The following WWOX variants were observed in gnomAD, a reference collection of about 807,000 sequenced individuals.
WWOX encodes the protein WW domain-containing oxidoreductase.
A neutral mutation model predicts 46.2 loss-of-function variants in WWOX; 69 were observed. The observed-to-expected ratio is 1.49, with a 90% CI of 1.23 to 1.82. The LOEUF is 1.82. WWOX is among the 40% of genes most tolerant of loss of function. The pLI is 0.00. For synonymous variants in WWOX, 359 were observed against 202.6 expected (o/e 1.77, Z -6.56); for missense variants, 919 against 542.6 (o/e 1.69, Z -6.89).
At chr16:79,081,565 T>C (rs1334216756) in intron 8 of WWOX, among the ~76,000 whole-genome samples, 1 of 152,212 alleles carries the variant, frequency 6.6e-6, no homozygotes, top group Non-Finnish European at 1.5e-5. Context: ...ATCTGCTCTT[T>C]GTGGGGCCCT....
chr16:78,527,188 A>G (rs752480577), intron 8 of WWOX, among the ~76,000 whole-genome samples: 2 of 152,142 alleles, frequency 1.3e-5, no homozygotes, highest in East Asian at 1.9e-4. Context: ...GTAGGAATGA[A>G]CAGATGAACA....
At chr16:78,768,542 A>G (rs987879079) in intron 8 of WWOX, among the ~76,000 whole-genome samples, 5 of 151,492 alleles carry the variant, frequency 3.3e-5, no homozygotes, top group African/African-American at 1.2e-4. Context: ...GTGAGCGGAG[A>G]CTGCGCCGCT....
At chr16:78,135,686 A>T (rs189979907) in intron 4 of WWOX, among the ~76,000 whole-genome samples, 1 of 152,158 alleles carries the variant, frequency 6.6e-6, no homozygotes. Flanking sequence ...GTATTACTGA[A>T]AAAAAAACAA....
intron 4 of WWOX, among the ~76,000 whole-genome samples, chr16:78,120,570 C>A (rs530673751): frequency 6.8e-6 from 1 of 147,448 alleles, no homozygotes; most frequent in Non-Finnish European, 1.5e-5. Flanking sequence ...GAGCGAGACT[C>A]CGTCTCAAAA....
At chr16:78,612,066 T>C (rs1024360684) in intron 8 of WWOX, among the ~76,000 whole-genome samples, 1 of 152,204 alleles carries the variant, frequency 6.6e-6, no homozygotes, top group African/African-American at 2.4e-5. Context: ...ACCTGGCATA[T>C]CCTTTAGGAT....
At chr16:78,464,661 G>C (rs1172512119) in intron 8 of WWOX, among the ~76,000 whole-genome samples, 3 of 152,116 alleles carry the variant, frequency 2.0e-5, no homozygotes, top group African/African-American at 7.2e-5. Context: ...TAAATCCAGA[G>C]CTGCTGCCTC....
At chr16:78,724,850 C>A (rs1324735315) in intron 8 of WWOX, among the ~76,000 whole-genome samples, 1 of 152,210 alleles carries the variant, frequency 6.6e-6, no homozygotes, top group African/African-American at 2.4e-5. Context: ...ATTCTTACCT[C>A]TAAGAGTTCC....
chr16:78,757,091 T>A (rs2049669722), intron 8 of WWOX: 2 of 693,708 alleles, frequency 2.9e-6, no homozygotes, highest in Admixed American at 2.0e-5. Flanking sequence ...TGCTGCAATC[T>A]TGACTGGAAC....
chr16:78,646,324 A>T (rs576165953), intron 8 of WWOX, among the ~76,000 whole-genome samples: 1 of 152,244 alleles, frequency 6.6e-6, no homozygotes, highest in Non-Finnish European at 1.5e-5. Context: ...TTTTGGCACC[A>T]TTATTCTGCC....
intron 6 of WWOX, among the ~76,000 whole-genome samples, chr16:78,411,712 G>A (rs942507500): frequency 6.6e-6 from 1 of 152,148 alleles, no homozygotes; most frequent in African/African-American, 2.4e-5. Context: ...AAGTCAAGTG[G>A]GAGAATGTAG....
chr16:78,678,857 C>T (rs144149859), intron 8 of WWOX, among the ~76,000 whole-genome samples: 1 of 152,240 alleles, frequency 6.6e-6, no homozygotes, highest in African/African-American at 2.4e-5. Flanking sequence ...CCTGTGCTTC[C>T]CAGTTTACTC....
At chr16:79,017,701 T>G (rs374471028) in intron 8 of WWOX, among the ~76,000 whole-genome samples, 1 of 152,130 alleles carries the variant, frequency 6.6e-6, no homozygotes, top group East Asian at 1.9e-4. Context: ...AATTATATTT[T>G]TTTGATTTTT....
At chr16:78,108,257 C>T (rs1445811798) in intron 1 of WWOX, among the ~76,000 whole-genome samples, 166 bp from the exon 2 acceptor site, 1 of 151,038 alleles carries the variant, frequency 6.6e-6, no homozygotes, top group Admixed American at 6.7e-5. Flanking sequence ...TTCAGCAAAC[C>T]TCCTAAAGTT....
chr16:79,044,776 G>C (rs1305462230), intron 8 of WWOX, among the ~76,000 whole-genome samples: 2 of 152,212 alleles, frequency 1.3e-5, no homozygotes, highest in East Asian at 3.9e-4. Flanking sequence ...GGCAGTGTCA[G>C]AGAATGCTGA....
intron 8 of WWOX, among the ~76,000 whole-genome samples, chr16:78,866,426 A>G (rs1002507178): frequency 2.8e-5 from 4 of 141,384 alleles, no homozygotes; most frequent in African/African-American, 1.1e-4. Context: ...ACTGATCAAG[A>G]CATCCCGTGC....
At chr16:78,536,247 G>T (rs1322160694) in intron 8 of WWOX, among the ~76,000 whole-genome samples, 2 of 152,104 alleles carry the variant, frequency 1.3e-5, no homozygotes, top group Non-Finnish European at 2.9e-5. Context: ...GAAGTTTTTA[G>T]TGTAAATGTC....
intron 8 of WWOX, among the ~76,000 whole-genome samples, chr16:78,908,447 G>A (rs2045023194): frequency 6.6e-6 from 1 of 151,802 alleles, no homozygotes; most frequent in African/African-American, 2.4e-5. Context: ...GGCAGAGGCA[G>A]GAGAACTGCT....
intron 8 of WWOX, among the ~76,000 whole-genome samples, chr16:78,868,908 C>T (rs535666052): frequency 6.6e-6 from 1 of 152,162 alleles, no homozygotes; most frequent in South Asian, 2.1e-4. Flanking sequence ...GCACTTTTCC[C>T]CCCTTTTTCC....
In WWOX at chr16:78,678,598, G is replaced by T. The variant is rs185318896; in HGVS notation, c.1056+245846G>T. Among the ~76,000 whole-genome samples, 51 of 152,240 alleles carry T rather than the reference G, an allele frequency of 3.3e-4. No individual in the cohort carries two copies. The Middle Eastern group carries it at 0.01, about 30-fold the overall frequency. ...GATAATTGTATAAAGAACTACAATAGGCATAGGTACAGATCTGTAAAATAT... is the reference window on the plus strand; with the variant it reads ...GATAATTGTATAAAGAACTACAATATGCATAGGTACAGATCTGTAAAATAT... On this transcript the variant is annotated intron_variant, in intron 8 of 8. Coordinates refer to ENST00000566780, the MANE Select transcript of WWOX (RefSeq NM_016373.4).
Sources: allele counts gnomAD v4.1 joint callset (sites outside exome capture counted in the v4.1 genomes callset), GRCh38; gene constraint gnomAD v4.1.1; transcripts MANE v1.5; gene names NCBI Gene and HGNC (gene_info 2026-07-23, HGNC 2026-07-21).